Variants in DGKG observed in about 807,000 individuals in gnomAD.
DGKG encodes the protein diacylglycerol kinase gamma.
Under a neutral mutation model 105.3 loss-of-function variants are expected in DGKG, and 78 were observed. The ratio of observed to expected loss-of-function variants is 0.74; its 90% CI spans 0.62 to 0.89. DGKG has a LOEUF of 0.89. DGKG is among the 40% of genes least tolerant of loss of function. The pLI is 0.00. For synonymous variants in DGKG, 346 were observed against 367.1 expected (o/e 0.94, Z 0.66); for missense variants, 958 against 1,020.1 (o/e 0.94, Z 0.83).
chr3:186,233,519 G>C (rs1043996679), intron 20 of DGKG, among the ~76,000 whole-genome samples: 1 of 152,062 alleles, frequency 6.6e-6, no homozygotes, highest in Non-Finnish European at 1.5e-5. Flanking sequence ...TCGCTCTGTC[G>C]CCCAGGCTGG....
At chr3:186,251,611 C>G in intron 19 of DGKG, 148 bp downstream of exon 19, 1 of 806,824 alleles carries the variant, frequency 1.2e-6, no homozygotes. Flanking sequence ...CACACTCAGG[C>G]CAAGTTTCAG....
chr3:186,328,888 T>C lies in DGKG; in HGVS notation c.-248-8181A>G, dbSNP rs16860718. On this transcript the variant is annotated intron_variant, in intron 1 of 24. Transcript: ENST00000265022. ...GCCACTGCGCCCGGCCTTACACCAT[T>C]CTTTATTTCCTTCAAGAAAAGTTAG... Among the ~76,000 whole-genome samples the C allele has an allele frequency of 9.0e-3, 1,377 of 152,202 alleles. 22 individuals are homozygous for C. Among genetic ancestry groups the C allele is most frequent in the African/African-American group, 0.03 (1,247 of 41,524 alleles).
chr3:186,233,502 C>T lies in DGKG; in HGVS notation c.1826+9002G>A, dbSNP rs991948622. Among the ~76,000 whole-genome samples, 6 of 152,136 alleles carry T rather than the reference C, an allele frequency of 3.9e-5. No homozygotes were observed. The South Asian group carries it at 1.0e-3, about 26-fold the overall frequency. On this transcript the variant is annotated intron_variant, in intron 20 of 24. Coordinates refer to ENST00000265022, the MANE Select transcript of DGKG (RefSeq NM_001346.3). Reference sequence around the variant, plus strand: ...TCGTTGTTGTTGTTGTTTTTTGAGACGGAGTCTCGCTCTGTCGCCCAGGCT... The same window carrying T: ...TCGTTGTTGTTGTTGTTTTTTGAGATGGAGTCTCGCTCTGTCGCCCAGGCT...
intron 1 of DGKG, among the ~76,000 whole-genome samples, chr3:186,337,944 C>A (rs1281022332): frequency 1.3e-5 from 2 of 151,956 alleles, no homozygotes; most frequent in African/African-American, 4.8e-5. Flanking sequence ...CCGAGGTGAG[C>A]AGATTGCCTG....
At chr3:186,339,273 G>T (rs1399523052) in intron 1 of DGKG, among the ~76,000 whole-genome samples, 2 of 152,154 alleles carry the variant, frequency 1.3e-5, no homozygotes, top group African/African-American at 4.8e-5. Context: ...AAGCCCATTG[G>T]GGATATCACA....
At chr3:186,341,380 T>C (rs1258220942) in intron 1 of DGKG, among the ~76,000 whole-genome samples, 1 of 152,226 alleles carries the variant, frequency 6.6e-6, no homozygotes, top group Non-Finnish European at 1.5e-5. Context: ...GATGCAGTGG[T>C]ACACAACTGT....
intron 1 of DGKG, among the ~76,000 whole-genome samples, chr3:186,358,328 C>G (rs1232235772): frequency 6.6e-6 from 1 of 152,174 alleles, no homozygotes; most frequent in African/African-American, 2.4e-5. Flanking sequence ...GGTGGGCTTC[C>G]CTGAAGGATG....
intron 3 of DGKG, among the ~76,000 whole-genome samples, chr3:186,304,819 T>C (rs1724146549): frequency 6.6e-6 from 1 of 152,210 alleles, no homozygotes. Flanking sequence ...TCAAGACCAC[T>C]TGTTGATGGC....
Position 186,361,414 on chromosome 3 carries a change from T to G in DGKG, c.-249+532A>C, listed in dbSNP as rs1288202995. On this transcript the variant is annotated intron_variant, in intron 1 of 24. Transcript: ENST00000265022. This position sits in a 1 kb window ranked among gnomAD's most constrained non-coding sequence, Gnocchi z 6.8. ...ACCTCAGATTCGACCCTTCCCTCCT[T>G]TATTCTCTGAGGTGTCCGTGTTCGC... Among the ~76,000 whole-genome samples, 1 of 152,076 alleles carries G rather than the reference T, an allele frequency of 6.6e-6. No individual in the cohort carries two copies. Among genetic ancestry groups the G allele is most frequent in the Non-Finnish European group, 1.5e-5 (1 of 68,012 alleles).
intron 5 of DGKG, among the ~76,000 whole-genome samples, chr3:186,290,445 C>T (rs1723263011): frequency 6.6e-6 from 1 of 152,160 alleles, no homozygotes; most frequent in Non-Finnish European, 1.5e-5. Flanking sequence ...GTGACTTCTA[C>T]CTTGACTAAA....
chr3:186,299,846 TTTTTTTG>T (rs1723833040), intron 3 of DGKG, among the ~76,000 whole-genome samples: 80 of 145,726 alleles, frequency 5.5e-4, no homozygotes, highest in African/African-American at 1.9e-3. Flanking sequence ...TCTTTTTTTT[TTTTTTTG>T]AGATAGAGCC....
chr3:186,266,235 A>T (rs551973021), intron 13 of DGKG, among the ~76,000 whole-genome samples: 112 of 152,280 alleles, frequency 7.4e-4, no homozygotes, highest in Non-Finnish European at 1.4e-3. Flanking sequence ...CATAGAGCAT[A>T]TCTTTTCGAG....
chr3:186,211,434 G>C (rs908261789), intron 21 of DGKG, among the ~76,000 whole-genome samples: 1 of 152,190 alleles, frequency 6.6e-6, no homozygotes, highest in African/African-American at 2.4e-5. Flanking sequence ...CTTTTACCAG[G>C]CTTGGGACAT....
chr3:186,187,864 A>AAGAGGGAGT (rs1717718839), intron 22 of DGKG, among the ~76,000 whole-genome samples: 1 of 152,186 alleles, frequency 6.6e-6, no homozygotes, highest in Non-Finnish European at 1.5e-5. Context: ...CAGCTGGGTC[A>AAGAGGGAGT]CATGCCACTG....
chr3:186,267,067 T>A (rs940346768), intron 13 of DGKG, among the ~76,000 whole-genome samples: 8 of 152,056 alleles, frequency 5.3e-5, no homozygotes, highest in Non-Finnish European at 8.8e-5. Flanking sequence ...CAGGTGGGGG[T>A]AAAGGAGCTT....
chr3:186,279,029 A>G (rs1722711991), intron 9 of DGKG: 1 of 152,232 alleles, frequency 6.6e-6, no homozygotes, highest in Non-Finnish European at 1.5e-5. Context: ...GTTTCACATT[A>G]AGCCTGTACA....
chr3:186,272,384 C>A lies in DGKG; in HGVS notation c.911-41G>T, dbSNP rs191310668. 4.4e-4 allele frequency: 659 copies of A among 1,489,320 alleles called. 3 individuals are homozygous for A. The African/African-American group carries it at 7.2e-3, about 16-fold the overall frequency. The allele number at this position is 1,489,320 out of a possible 1,614,324, so 92.3% of individuals were successfully genotyped here. The stretch of plus-strand genomic sequence containing the variant: ...GTCAAGGCAGGTGCTTGTGAATAGC[C>A]ACGTAGGAAAGGCCCAGCTGCCCTC... On this transcript the variant is annotated intron_variant, in intron 10 of 24. Transcript: ENST00000265022.
At position 186,174,911 on chromosome 3, in the gene DGKG, C is replaced by A. The variant is rs1008859417; in HGVS notation, c.2096-9893G>T. Among the ~76,000 whole-genome samples, 3 of 152,086 alleles carry A rather than the reference C, an allele frequency of 2.0e-5. No individual in the cohort carries two copies. In the East Asian group the frequency reaches 5.8e-4, roughly 29 times the overall value. ...AAGCCCCATCAAAGCATGTAAGTGG[C>A]CAGAGGGCATTGAGTGGCCTTTGAG... is the stretch of plus-strand genomic sequence containing the variant. On this transcript the variant is annotated intron_variant, in intron 22 of 24. Transcript: ENST00000265022.
chr3:186,202,334 A>G (rs1191824925), intron 21 of DGKG, among the ~76,000 whole-genome samples: 2 of 152,248 alleles, frequency 1.3e-5, no homozygotes, highest in South Asian at 2.1e-4. Context: ...TCTAGTGAAG[A>G]CTAAGATTAG....
Sources: allele counts gnomAD v4.1 joint callset (sites outside exome capture counted in the v4.1 genomes callset), GRCh38; gene constraint gnomAD v4.1.1; non-coding constraint Gnocchi (gnomAD v3.1); transcripts MANE v1.5; gene names NCBI Gene and HGNC (gene_info 2026-07-23, HGNC 2026-07-21).